Variants in SNX10 observed in about 807,000 individuals in gnomAD.
SNX10 encodes sorting nexin-10.
SNX10 carries 25 observed loss-of-function variants against 28.5 expected under a neutral mutation model. The ratio of observed to expected loss-of-function variants is 0.88; its 90% CI spans 0.64 to 1.22. SNX10 has a LOEUF of 1.22. Ranked by LOEUF, SNX10 falls within the 50% of genes most tolerant of loss-of-function variation. The pLI, the probability that SNX10 is intolerant of heterozygous loss-of-function variation, is 0.00. For synonymous variants in SNX10, 62 were observed against 81.4 expected, an observed-to-expected ratio of 0.76 and a Z score of 1.28; for missense variants, 223 against 242.6, an observed-to-expected ratio of 0.92 and a Z score of 0.54.
At chr7:26,302,356 C>T (rs1786403004) in intron 1 of SNX10, among the ~76,000 whole-genome samples, 1 of 152,164 alleles carries the variant, frequency 6.6e-6, no homozygotes, top group Admixed American at 6.5e-5. Flanking sequence ...TGAGAGCCAA[C>T]TCCTTTGCAG....
intron 2 of SNX10, among the ~76,000 whole-genome samples, chr7:26,350,184 A>G (rs911553698): frequency 2.0e-5 from 3 of 152,224 alleles, no homozygotes; most frequent in Non-Finnish European, 4.4e-5. Flanking sequence ...CACATGCTTC[A>G]TACTAGGTAT....
At chr7:26,368,868 A>G (rs894685661) in intron 5 of SNX10, among the ~76,000 whole-genome samples, 8 of 152,032 alleles carry the variant, frequency 5.3e-5, no homozygotes, top group Non-Finnish European at 8.8e-5. Context: ...TCCATGTACT[A>G]TGCAGTTATG....
intron 1 of SNX10, among the ~76,000 whole-genome samples, chr7:26,335,695 C>G (rs1216786222): frequency 4.1e-5 from 6 of 146,410 alleles, no homozygotes; most frequent in Non-Finnish European, 7.5e-5. Flanking sequence ...TGGCACAGAA[C>G]TAAACATTGA....
At chr7:26,354,989 G>C (rs1052904577) in intron 2 of SNX10, among the ~76,000 whole-genome samples, 2 of 152,050 alleles carry the variant, frequency 1.3e-5, no homozygotes, top group African/African-American at 4.8e-5. Flanking sequence ...TACATCTGTG[G>C]TTTGGTTGGT....
intron 2 of SNX10, among the ~76,000 whole-genome samples, chr7:26,351,819 G>A (rs1041845053): frequency 6.6e-6 from 1 of 151,550 alleles, no homozygotes; most frequent in Non-Finnish European, 1.5e-5. Context: ...ACCACGCCCA[G>A]CCAATTTTTT....
intron 2 of SNX10, 99 bp from the exon 3 acceptor site, chr7:26,360,876 C>G: frequency 6.5e-7 from 1 of 1,549,574 alleles, no homozygotes; most frequent in South Asian, 1.2e-5. Context: ...TTGGTTAAAG[C>G]TCATTTCAGT....
At chr7:26,307,801 G>C (rs1254049504) in intron 1 of SNX10, among the ~76,000 whole-genome samples, 1 of 152,008 alleles carries the variant, frequency 6.6e-6, no homozygotes, top group Non-Finnish European at 1.5e-5. Context: ...TCAGCACCGT[G>C]GGGGTACATT....
intron 1 of SNX10, among the ~76,000 whole-genome samples, chr7:26,337,823 A>G (rs1787995376): frequency 6.6e-6 from 1 of 152,312 alleles, no homozygotes; most frequent in South Asian, 2.1e-4. Context: ...TTTTGGATGG[A>G]TATCTGGAAG....
chr7:26,303,849 C>T (rs1786469708), intron 1 of SNX10, among the ~76,000 whole-genome samples: 1 of 152,182 alleles, frequency 6.6e-6, no homozygotes, highest in African/African-American at 2.4e-5. Flanking sequence ...TGGTTTCATT[C>T]TATGACTTTA....
intron 1 of SNX10, among the ~76,000 whole-genome samples, chr7:26,336,532 C>T (rs1277904269): frequency 1.3e-5 from 2 of 151,992 alleles, no homozygotes; most frequent in Non-Finnish European, 1.5e-5. Flanking sequence ...GGTGAAACCC[C>T]GTCTCTACTA....
chr7:26,296,914 G>A (rs1000219813), intron 1 of SNX10, among the ~76,000 whole-genome samples: 2 of 152,208 alleles, frequency 1.3e-5, no homozygotes, highest in African/African-American at 4.8e-5. Flanking sequence ...CCATTGTAAA[G>A]ACAGGAATTG....
At chr7:26,302,089 G>A (rs1786391543) in intron 1 of SNX10, among the ~76,000 whole-genome samples, 1 of 152,036 alleles carries the variant, frequency 6.6e-6, no homozygotes, top group Non-Finnish European at 1.5e-5. Flanking sequence ...ATACCTCAGA[G>A]CATTTTAACT....
chr7:26,311,062 C>T (rs572725884), intron 1 of SNX10, among the ~76,000 whole-genome samples: 1 of 152,194 alleles, frequency 6.6e-6, no homozygotes, highest in South Asian at 2.1e-4. Flanking sequence ...AGGGGGTGGC[C>T]AGGGAACCGA....
chr7:26,349,555 T>C (rs988662278), intron 2 of SNX10, among the ~76,000 whole-genome samples: 1 of 152,230 alleles, frequency 6.6e-6, no homozygotes, highest in African/African-American at 2.4e-5. Context: ...GGCCTTGGCA[T>C]TGGGCCATTG....
At chr7:26,314,789 CAG>C (rs1787005116) in intron 1 of SNX10, among the ~76,000 whole-genome samples, 1 of 151,896 alleles carries the variant, frequency 6.6e-6, no homozygotes, top group Non-Finnish European at 1.5e-5. Flanking sequence ...CACTTGAGGT[CAG>C]AGTTTGAGAC....
At chr7:26,358,806 T>TTTTTTTTGTTTTTTGTTTTTG (rs1788941668) in intron 2 of SNX10, among the ~76,000 whole-genome samples, 4 of 52,608 alleles carry the variant, frequency 7.6e-5, no homozygotes, top group Non-Finnish European at 1.9e-4. Flanking sequence ...TTATCTTGTG[T>TTTTTTTTGTTTTTTGTTTTTG]TTTTTTTTTT....
At chr7:26,310,376 G>A (rs1786779878) in intron 1 of SNX10, among the ~76,000 whole-genome samples, 2 of 152,134 alleles carry the variant, frequency 1.3e-5, no homozygotes, top group South Asian at 2.1e-4. Context: ...ATAAATAATT[G>A]GGCAAGGTCC....
At chr7:26,336,802 G>T (rs1488004685) in intron 1 of SNX10, among the ~76,000 whole-genome samples, 1 of 152,226 alleles carries the variant, frequency 6.6e-6, no homozygotes, top group East Asian at 1.9e-4. Context: ...AGTCTGTCAT[G>T]CAGATGGAAC....
In SNX10 at chr7:26,346,588, C is replaced by T. The variant is rs1788396075; in HGVS notation, c.24+122C>T. ...GGAGGTTTCATGAAAGACCAAAGGC[C>T]CACCCTCCTGTACCTGCTCCTCTAC... On this transcript the variant is annotated intron_variant, in intron 2 of 6. Coordinates refer to ENST00000338523, the MANE Select transcript of SNX10 (RefSeq NM_013322.3). 3 of 777,536 alleles carry T rather than the reference C, an allele frequency of 3.9e-6. No individual in the cohort carries two copies. The Admixed American group carries it at 5.3e-5, about 14-fold the overall frequency. The allele number at this position is 777,536 out of a possible 1,614,324, so 48.2% of individuals were successfully genotyped here.
Sources: gnomAD v4.1 joint callset for allele counts (sites outside exome capture counted in the v4.1 genomes callset) on GRCh38, gnomAD v4.1.1 for gene constraint, MANE v1.5 for transcripts, NCBI Gene and HGNC (gene_info 2026-07-23, HGNC 2026-07-21) for gene names.